RGP1: variants seen among roughly 807,000 people sequenced by gnomAD.
RGP1 encodes RAB6A-GEF complex partner protein 2.
In RGP1, 28 loss-of-function variants were observed where a neutral mutation model predicts 44.5. That is an observed-to-expected ratio of 0.63 (90% CI 0.47 to 0.86). The LOEUF (loss-of-function observed/expected upper bound fraction) is 0.86, where lower values mean the gene tolerates loss of function less well. Ranked by LOEUF, RGP1 falls within the 40% of genes least tolerant of loss-of-function variation. The probability of loss-of-function intolerance (pLI) is 0.00; values close to 1 mark genes in which losing one functional copy is unlikely to be tolerated. For missense variants in RGP1, 417 were observed against 490.7 expected (o/e 0.85, Z 1.42); for synonymous variants, 212 against 196.7 (o/e 1.08, Z -0.65).
chr9:35,781,958 T>C, the RGP1 span, among the ~76,000 whole-genome samples: 300 of 150,656 alleles, frequency 2.0e-3, 1 homozygote, highest in African/African-American at 6.8e-3. Context: ...GTTTTTAAAA[T>C]AAGTTATTGT....
the RGP1 span, among the ~76,000 whole-genome samples, chr9:35,777,337 G>A: frequency 6.6e-6 from 1 of 151,144 alleles, no homozygotes. Flanking sequence ...CACTATGTTA[G>A]CCAGGATGGT....
chr9:35,787,456 C>T, the RGP1 span, among the ~76,000 whole-genome samples: 187 of 152,354 alleles, frequency 1.2e-3, no homozygotes, highest in Middle Eastern at 3.4e-3. Context: ...TCTTGAACTC[C>T]TTACCTCAGG....
intron 5 of RGP1, 51 bp from the exon 6 acceptor site, chr9:35,751,215 T>C: frequency 6.2e-7 from 1 of 1,603,400 alleles, no homozygotes; most frequent in Non-Finnish European, 8.5e-7. Context: ...TAACCTCTAC[T>C]CTCATCTCCG....
chr9:35,759,219 A>G (rs1259914526), downstream of RGP1, among the ~76,000 whole-genome samples: 2 of 152,170 alleles, frequency 1.3e-5, no homozygotes, highest in African/African-American at 2.4e-5. Flanking sequence ...TATGCCACAC[A>G]CTGTATAGTG....
the RGP1 span, among the ~76,000 whole-genome samples, chr9:35,776,523 G>T: frequency 6.6e-6 from 1 of 151,912 alleles, no homozygotes; most frequent in Non-Finnish European, 1.5e-5. Context: ...CTAACCTCAG[G>T]TGATCTACCT....
chr9:35,782,515 C>T, the RGP1 span, among the ~76,000 whole-genome samples: 2 of 152,206 alleles, frequency 1.3e-5, no homozygotes, highest in Non-Finnish European at 2.9e-5. Context: ...GGCACGACCT[C>T]GGCTCACTGC....
intron 7 of RGP1, 99 bp downstream of exon 7, chr9:35,751,853 G>A: frequency 7.0e-6 from 11 of 1,581,896 alleles, no homozygotes; most frequent in Non-Finnish European, 9.5e-6. Context: ...GAAGGGGATA[G>A]TGGGGTCATC....
intron 3 of RGP1, 99 bp from the exon 4 acceptor site, chr9:35,750,559 C>A: frequency 1.4e-6 from 2 of 1,383,368 alleles, no homozygotes; most frequent in Non-Finnish European, 1.0e-6. Flanking sequence ...ACAGCAGGGA[C>A]GGAGGGCCTG....
Position 35,749,603 on chromosome 9 carries a change from C to T in RGP1, c.-19-134C>T. 1 of 694,046 alleles carries T rather than the reference C, an allele frequency of 1.4e-6. No homozygotes were observed. The highest frequency in any genetic ancestry group is 2.6e-6 in the Non-Finnish European group (1 of 377,560). 43.0% of individuals were successfully genotyped at this position (694,046 alleles called of 1,614,324 possible). A position where few individuals can be genotyped will look rare whatever the true frequency, so the allele number is the denominator to read the frequency against. On this transcript the variant is annotated intron_variant, in intron 1 of 8. Coordinates refer to ENST00000378078, the MANE Select transcript of RGP1 (RefSeq NM_001080496.3). This position sits in a 1 kb window ranked among gnomAD's most constrained non-coding sequence, Gnocchi z 4.4. ...GTCGCCTCCCTCCCACCCGCCTACCCCTCCTATATCCAGGAGCTCCCTCGG... is the reference window on the plus strand; with the variant it reads ...GTCGCCTCCCTCCCACCCGCCTACCTCTCCTATATCCAGGAGCTCCCTCGG...
the RGP1 span, among the ~76,000 whole-genome samples, chr9:35,784,211 T>G: frequency 6.6e-6 from 1 of 152,212 alleles, no homozygotes; most frequent in Non-Finnish European, 1.5e-5. Context: ...TTTGCAAATA[T>G]TGTCTTCCAT....
At chr9:35,750,580 A>G (rs1827233637) in intron 3 of RGP1, 78 bp from the exon 4 acceptor site, 12 of 1,501,026 alleles carry the variant, frequency 8.0e-6, no homozygotes, top group Non-Finnish European at 1.1e-5. Context: ...GCAGCCTTTC[A>G]CTATCTCCAC....
At position 35,753,692 on chromosome 9, in the gene RGP1, A is replaced by G; in HGVS notation, c.*818A>G. The G allele has an allele frequency of 4.3e-6, 7 of 1,614,156 alleles. No individual in the cohort carries two copies. The highest frequency in any genetic ancestry group is 5.1e-6 in the Non-Finnish European group (6 of 1,180,012). ...AGCAGCCCACGCCAACAGGATGCAG[A>G]CAGGTGCAATGGAAACAGTCCTTGC... On this transcript the variant is annotated 3_prime_UTR_variant, in exon 9 of 9. Transcript: ENST00000378078. The surrounding 1 kb of genome is among the most constrained non-coding windows in gnomAD (Gnocchi z 4.2).
At chr9:35,790,328 A>C in the RGP1 span, 1 of 153,784 alleles carries the variant, frequency 6.5e-6, no homozygotes, top group East Asian at 1.9e-4. Flanking sequence ...TTGCAAATGC[A>C]TGTTCCTCAA....
chr9:35,754,217 T>C lies in RGP1; in HGVS notation c.*1343T>C. ...CTTGACTTTGCTTTGCGTTGCTCCT[T>C]GAGTCTTAGTTTCTGTCTTTCTCCC... On this transcript the variant is annotated 3_prime_UTR_variant, in exon 9 of 9. Transcript: ENST00000378078. 1 of 1,494,414 alleles carries C rather than the reference T, an allele frequency of 6.7e-7. No individual in the cohort carries two copies. The highest frequency in any genetic ancestry group is 9.0e-7 in the Non-Finnish European group (1 of 1,109,068). The allele number at this position is 1,494,414 out of a possible 1,614,324, so 92.6% of individuals were successfully genotyped here.
chr9:35,774,740 A>G, the RGP1 span, among the ~76,000 whole-genome samples: 1 of 152,180 alleles, frequency 6.6e-6, no homozygotes, highest in African/African-American at 2.4e-5. Context: ...AAAACAAAAA[A>G]AAACATGGAA....
chr9:35,763,593 C>T, the RGP1 span, among the ~76,000 whole-genome samples: 1 of 152,070 alleles, frequency 6.6e-6, no homozygotes, highest in Non-Finnish European at 1.5e-5. Context: ...TGGAAGAAAA[C>T]ACATCAGACT....
the RGP1 span, among the ~76,000 whole-genome samples, chr9:35,775,473 A>G: frequency 6.6e-6 from 1 of 152,130 alleles, no homozygotes; most frequent in East Asian, 1.9e-4. Flanking sequence ...AGGCTGGGAG[A>G]GAAGGGGAAG....
the RGP1 span, among the ~76,000 whole-genome samples, chr9:35,781,658 T>G: frequency 6.6e-6 from 1 of 152,154 alleles, no homozygotes; most frequent in Admixed American, 6.5e-5. Flanking sequence ...ATGTCCTGAA[T>G]TCGGCATGAT....
chr9:35,762,865 T>TAA (rs397978318), downstream of RGP1, among the ~76,000 whole-genome samples: 3 of 148,018 alleles, frequency 2.0e-5, no homozygotes, highest in African/African-American at 7.4e-5. Context: ...GTTCTGCTGT[T>TAA]AAAAAAAAAA....
Sources: gnomAD v4.1 joint callset for allele counts (sites outside exome capture counted in the v4.1 genomes callset) on GRCh38, gnomAD v4.1.1 for gene constraint, Gnocchi (gnomAD v3.1) non-coding constraint, MANE v1.5 for transcripts, NCBI Gene and HGNC (gene_info 2026-07-23, HGNC 2026-07-21) for gene names.